Variants in FARP1 observed in about 807,000 individuals in gnomAD.
The protein encoded by FARP1 is FERM, ARHGEF and pleckstrin domain-containing protein 1.
In FARP1, 52 loss-of-function variants were observed where a neutral mutation model predicts 128.8. The observed-to-expected ratio is 0.40, with a 90% CI of 0.32 to 0.51. FARP1 has a LOEUF of 0.51. Among genes scored for constraint, FARP1 ranks in the 20% least tolerant of loss-of-function variants. The pLI, the probability that FARP1 is intolerant of heterozygous loss-of-function variation, is 0.45. For synonymous variants in FARP1, 580 were observed against 551.8 expected (o/e 1.05, Z -0.72); for missense variants, 1,333 against 1,367.9 (o/e 0.97, Z 0.40).
At chr13:98,429,627 G>T (rs1335941519) in intron 17 of FARP1, among the ~76,000 whole-genome samples, 1 of 152,174 alleles carries the variant, frequency 6.6e-6, no homozygotes, top group South Asian at 2.1e-4. Context: ...GCTGGTGGTG[G>T]TACCCATCCT....
At position 98,217,935 on chromosome 13, in the gene FARP1, G is replaced by A. The variant is rs151210609; in HGVS notation, c.171+4522G>A. ...GCATAACAAGGGAAAGAGCAAGTGGGAAGAGCTTCTGAGTCCCTTCCTCGT... is the reference window on the plus strand; with the variant it reads ...GCATAACAAGGGAAAGAGCAAGTGGAAAGAGCTTCTGAGTCCCTTCCTCGT... On this transcript the variant is annotated intron_variant, in intron 2 of 26. Transcript: ENST00000319562. 5.8e-3 allele frequency among the ~76,000 whole-genome samples: 889 copies of A among 152,250 alleles called. 9 individuals carry two copies. Among genetic ancestry groups the A allele is most frequent in the African/African-American group, 0.02 (848 of 41,550 alleles).
rs192077299 is a variant in FARP1, at chr13:98,171,308, T to C, written c.-24+27816T>C. ...GTTTGGGTAGGTGGGAGAGGGTCCC[T>C]GGGTGCAAAGGTCTAGCCTCTTCGT... On this transcript the variant is annotated intron_variant, in intron 1 of 26. Coordinates refer to ENST00000319562, the MANE Select transcript of FARP1 (RefSeq NM_005766.4). 1.1e-3 allele frequency among the ~76,000 whole-genome samples: 166 copies of C among 152,352 alleles called. 1 individual carries two copies. Among genetic ancestry groups the C allele is most frequent in the Middle Eastern group, 6.8e-3 (2 of 294 alleles).
chr13:98,240,541 T>C (rs1467389847), intron 2 of FARP1, among the ~76,000 whole-genome samples: 1 of 152,210 alleles, frequency 6.6e-6, no homozygotes, highest in Non-Finnish European at 1.5e-5. Flanking sequence ...TATGAGAAAC[T>C]GTACCAGATA....
intron 2 of FARP1, among the ~76,000 whole-genome samples, chr13:98,305,332 C>CTTTTTT (rs34321434): frequency 1.4e-5 from 2 of 145,892 alleles, no homozygotes; most frequent in African/African-American, 5.1e-5. Context: ...GAATTTCTTT[C>CTTTTTT]TTTTTTTTTT....
intron 3 of FARP1, among the ~76,000 whole-genome samples, chr13:98,360,193 T>C (rs1242673271): frequency 6.6e-6 from 1 of 151,238 alleles, no homozygotes; most frequent in East Asian, 2.0e-4. Context: ...CCTCCTGGGT[T>C]CAAGCAATTC....
At chr13:98,172,833 A>G (rs1383119730) in intron 1 of FARP1, among the ~76,000 whole-genome samples, 1 of 152,136 alleles carries the variant, frequency 6.6e-6, no homozygotes, top group African/African-American at 2.4e-5. Flanking sequence ...GCCCAAGGAG[A>G]GTATGAGATA....
At chr13:98,396,146 A>G (rs1890536281) in intron 13 of FARP1, 1 of 399,218 alleles carries the variant, frequency 2.5e-6, no homozygotes, top group Non-Finnish European at 4.4e-6. Flanking sequence ...GGCCGTGGGA[A>G]GTGGGGGCAA....
At chr13:98,303,045 G>T (rs1885987829) in intron 2 of FARP1, among the ~76,000 whole-genome samples, 1 of 152,162 alleles carries the variant, frequency 6.6e-6, no homozygotes, top group Admixed American at 6.5e-5. Context: ...TGATTGTAAA[G>T]GGAATATCAA....
chr13:98,183,386 C>T (rs1372646980), intron 1 of FARP1, among the ~76,000 whole-genome samples: 4 of 152,140 alleles, frequency 2.6e-5, no homozygotes, highest in African/African-American at 9.7e-5. Context: ...CTGAGCTCCC[C>T]ATTTTTAGAA....
At chr13:98,311,931 C>T (rs1886479203) in intron 2 of FARP1, among the ~76,000 whole-genome samples, 1 of 151,096 alleles carries the variant, frequency 6.6e-6, no homozygotes, top group Non-Finnish European at 1.5e-5. Context: ...ACAACCTCCG[C>T]CTCCCAGGTT....
intron 2 of FARP1, among the ~76,000 whole-genome samples, chr13:98,256,948 G>GGTAT (rs59128917): frequency 0.015 from 1,190 of 77,020 alleles, 199 homozygotes; most frequent in Non-Finnish European, 0.022. Flanking sequence ...TATATATGTG[G>GGTAT]ATATATATAT....
At chr13:98,165,083 T>C (rs1415253106) in intron 1 of FARP1, among the ~76,000 whole-genome samples, 1 of 151,778 alleles carries the variant, frequency 6.6e-6, no homozygotes, top group African/African-American at 2.4e-5. Flanking sequence ...AGTGTGGTGG[T>C]ACACACCTGT....
At chr13:98,174,081 C>T (rs1877831662) in intron 1 of FARP1, among the ~76,000 whole-genome samples, 1 of 152,166 alleles carries the variant, frequency 6.6e-6, no homozygotes, top group Non-Finnish European at 1.5e-5. Flanking sequence ...GAAAAATACA[C>T]AGAAAAAAGA....
chr13:98,153,745 G>A (rs1253109528), intron 1 of FARP1, among the ~76,000 whole-genome samples: 1 of 151,370 alleles, frequency 6.6e-6, no homozygotes, highest in African/African-American at 2.4e-5. Context: ...TGTATTTTTA[G>A]TAGAGACGGG....
chr13:98,200,222 C>T (rs1392884245), intron 1 of FARP1, among the ~76,000 whole-genome samples: 1 of 152,124 alleles, frequency 6.6e-6, no homozygotes, highest in Admixed American at 6.5e-5. Flanking sequence ...GCAGAGTGTC[C>T]CTCTTTTCTT....
intron 1 of FARP1, among the ~76,000 whole-genome samples, chr13:98,199,367 T>C (rs1879790524): frequency 6.6e-6 from 1 of 152,242 alleles, no homozygotes; most frequent in African/African-American, 2.4e-5. Context: ...TCTTGCCTGA[T>C]AGATTATGCA....
At chr13:98,265,250 G>T (rs4142402) in intron 2 of FARP1, among the ~76,000 whole-genome samples, 63,820 of 148,976 alleles carry the variant, frequency 0.43, 14,376 homozygotes, top group African/African-American at 0.56. Context: ...TGATATTTTT[G>T]TGTTAGCGAT....
At chr13:98,272,663 A>G (rs1323520804) in intron 2 of FARP1, among the ~76,000 whole-genome samples, 3 of 152,098 alleles carry the variant, frequency 2.0e-5, no homozygotes, top group African/African-American at 4.8e-5. Flanking sequence ...AAAGATTGGG[A>G]GTTTGAATTG....
At chr13:98,375,146 G>A (rs3896398) in intron 5 of FARP1, among the ~76,000 whole-genome samples, 7,307 of 152,236 alleles carry the variant, frequency 0.048, 440 homozygotes, top group African/African-American at 0.14. Context: ...GTGATGTTGT[G>A]TGCTTCATAT....
Sources: gnomAD v4.1 joint callset for allele counts (sites outside exome capture counted in the v4.1 genomes callset) on GRCh38, gnomAD v4.1.1 for gene constraint, MANE v1.5 for transcripts, NCBI Gene and HGNC (gene_info 2026-07-23, HGNC 2026-07-21) for gene names.